Variants in ATP2C1 observed in about 807,000 individuals in gnomAD.
The protein encoded by ATP2C1 is calcium-transporting ATPase type 2C member 1.
ATP2C1 carries 31 observed loss-of-function variants against 120.5 expected under a neutral mutation model. The ratio of observed to expected loss-of-function variants is 0.26; its 90% CI spans 0.19 to 0.35. ATP2C1 has a LOEUF of 0.35. Among genes scored for constraint, ATP2C1 ranks in the 10% least tolerant of loss-of-function variants. The pLI is 1.00. For synonymous variants in ATP2C1, 351 were observed against 358.7 expected, an observed-to-expected ratio of 0.98 and a Z score of 0.24; for missense variants, 731 against 1,107.5, an observed-to-expected ratio of 0.66 and a Z score of 4.83.
chr3:130,995,943 T>A, intron 22 of ATP2C1, 100 bp from the exon 23 acceptor site: 8 of 867,594 alleles, frequency 9.2e-6, no homozygotes, highest in Non-Finnish European at 1.3e-5. Flanking sequence ...CAGTGCCCGG[T>A]TGGAAATTTA....
Position 131,001,644 on chromosome 3 carries a change from TAAA to T in ATP2C1, c.*295_*297del, listed in dbSNP as rs530041140. ...CAAAACCTGAACCACCTTCTGCACT[TAAA>T]GAAGTCTAACAGTACAAATACACTA... On this transcript the variant is annotated 3_prime_UTR_variant, in exon 28 of 28. Coordinates refer to ENST00000510168, the MANE Select transcript of ATP2C1 (RefSeq NM_001378687.1). 2 of 1,086,030 alleles carry T rather than the reference TAAA, an allele frequency of 1.8e-6. No homozygotes were observed. The highest frequency in any genetic ancestry group is 4.8e-5 in the Admixed American group (1 of 20,642). 67.3% of individuals were successfully genotyped at this position (1,086,030 alleles called of 1,614,324 possible). A position where few individuals can be genotyped will look rare whatever the true frequency, so the allele number is the denominator to read the frequency against.
chr3:130,971,719 A>G (rs930383316), intron 17 of ATP2C1, among the ~76,000 whole-genome samples: 1 of 152,192 alleles, frequency 6.6e-6, no homozygotes, highest in African/African-American at 2.4e-5. Flanking sequence ...AGGAACCAAT[A>G]GAACTCCCCC....
intron 26 of ATP2C1, among the ~76,000 whole-genome samples, chr3:131,008,994 C>T (rs1218615476): frequency 6.6e-6 from 1 of 152,210 alleles, no homozygotes; most frequent in African/African-American, 2.4e-5. Context: ...AATTGTGCTT[C>T]CCATCTCTCT....
At chr3:131,013,992 G>A in intron 26 of ATP2C1, 1 of 1,188,194 alleles carries the variant, frequency 8.4e-7, no homozygotes, top group Non-Finnish European at 1.2e-6. Context: ...TGTTTCAAGG[G>A]TGGTAACGGA....
chr3:130,934,585 A>G (rs778659106), intron 4 of ATP2C1, 37 bp from the exon 5 acceptor site: 41 of 1,390,488 alleles, frequency 2.9e-5, no homozygotes, highest in Admixed American at 5.0e-5. Context: ...TGTCATGTAC[A>G]AAACTGTGTT....
At chr3:131,013,469 A>G (rs186485129) in intron 26 of ATP2C1, among the ~76,000 whole-genome samples, 3 of 152,266 alleles carry the variant, frequency 2.0e-5, no homozygotes, top group East Asian at 3.9e-4. Flanking sequence ...CTCCTTCTCC[A>G]GGTCTAACAG....
chr3:130,856,319 C>T (rs1407845483), intron 1 of ATP2C1: 1 of 152,102 alleles, frequency 6.6e-6, no homozygotes, highest in Admixed American at 6.5e-5. Context: ...TGCATTTTGG[C>T]TCTCATACTT....
chr3:130,955,837 C>T (rs1338604242), intron 10 of ATP2C1: 2 of 340,758 alleles, frequency 5.9e-6, no homozygotes, highest in Non-Finnish European at 1.1e-5. Flanking sequence ...CAGATTTTTC[C>T]TCAAAAGGAA....
At chr3:130,983,681 T>C (rs985016706) in intron 20 of ATP2C1, among the ~76,000 whole-genome samples, 1 of 152,244 alleles carries the variant, frequency 6.6e-6, no homozygotes, top group African/African-American at 2.4e-5. Context: ...CCCACTCCGC[T>C]TGAATCCTTG....
intron 1 of ATP2C1, among the ~76,000 whole-genome samples, chr3:130,859,361 T>C (rs902771029): frequency 1.3e-5 from 2 of 152,226 alleles, no homozygotes; most frequent in Non-Finnish European, 2.9e-5. Context: ...TGAAGAGCTA[T>C]GTACCTGTGA....
chr3:130,933,309 T>G (rs1022715795), intron 4 of ATP2C1, among the ~76,000 whole-genome samples: 1 of 152,232 alleles, frequency 6.6e-6, no homozygotes, highest in African/African-American at 2.4e-5. Flanking sequence ...AGTGGTGTGC[T>G]TAGTAATGTG....
chr3:130,893,909 C>T (rs2069325505), upstream of ATP2C1: 25 of 985,054 alleles, frequency 2.5e-5, no homozygotes, highest in South Asian at 4.7e-5. Flanking sequence ...GCCGAAGTCT[C>T]GGCCTTCACT....
intron 8 of ATP2C1, among the ~76,000 whole-genome samples, chr3:130,942,324 A>G (rs2059959070): frequency 6.6e-6 from 1 of 152,166 alleles, no homozygotes; most frequent in African/African-American, 2.4e-5. Flanking sequence ...TTTGGTTAGG[A>G]GTTACCTTTT....
At chr3:130,961,920 A>T (rs1313871564) in intron 12 of ATP2C1, among the ~76,000 whole-genome samples, 1 of 152,058 alleles carries the variant, frequency 6.6e-6, no homozygotes, top group Non-Finnish European at 1.5e-5. Flanking sequence ...TTGGATGATG[A>T]TACTCTAGAT....
chr3:131,007,536 G>A (rs1282794435), downstream of ATP2C1, among the ~76,000 whole-genome samples: 1 of 152,160 alleles, frequency 6.6e-6, no homozygotes, highest in African/African-American at 2.4e-5. Context: ...AGCACTCAAT[G>A]CCAGAAACTG....
chr3:130,853,758 C>T (rs1326614960), intron 1 of ATP2C1, among the ~76,000 whole-genome samples: 1 of 152,164 alleles, frequency 6.6e-6, no homozygotes, highest in South Asian at 2.1e-4. Context: ...TGTCGATATT[C>T]GTGCACCCAT....
At chr3:130,861,549 A>C (rs1191502408) in intron 1 of ATP2C1, among the ~76,000 whole-genome samples, 2 of 152,214 alleles carry the variant, frequency 1.3e-5, no homozygotes, top group Non-Finnish European at 2.9e-5. Flanking sequence ...AGGAACGTTC[A>C]TACTGATGAG....
At chr3:130,963,384 T>C (rs2060911664) in intron 12 of ATP2C1, 1 of 156,198 alleles carries the variant, frequency 6.4e-6, no homozygotes, top group Non-Finnish European at 1.4e-5. Context: ...TCTAGATATT[T>C]CATATAAATG....
chr3:131,011,362 A>C (rs1229704877), intron 26 of ATP2C1, among the ~76,000 whole-genome samples: 2 of 152,236 alleles, frequency 1.3e-5, no homozygotes, highest in Non-Finnish European at 1.5e-5. Flanking sequence ...CTTTCTCTCT[A>C]AAATTTATTC....
Sources: gnomAD v4.1 joint callset for allele counts (sites outside exome capture counted in the v4.1 genomes callset) on GRCh38, gnomAD v4.1.1 for gene constraint, MANE v1.5 for transcripts, NCBI Gene and HGNC (gene_info 2026-07-23, HGNC 2026-07-21) for gene names.